POLR3E: variants seen among roughly 807,000 people sequenced by gnomAD.
POLR3E encodes the protein RNA polymerase III subunit E.
In POLR3E, 41 loss-of-function variants were observed where a neutral mutation model predicts 96.6. That is an observed-to-expected ratio of 0.42 (90% CI 0.33 to 0.55). The LOEUF (loss-of-function observed/expected upper bound fraction) is 0.55, where lower values mean the gene tolerates loss of function less well. POLR3E is among the 20% of genes least tolerant of loss of function. The probability of loss-of-function intolerance (pLI) is 0.06; values close to 1 mark genes in which losing one functional copy is unlikely to be tolerated. For synonymous variants in POLR3E, 396 were observed against 383.6 expected (o/e 1.03, Z -0.38); for missense variants, 849 against 952.1 (o/e 0.89, Z 1.43).
intron 6 of POLR3E, among the ~76,000 whole-genome samples, chr16:22,311,159 G>C (rs963809225): frequency 7.2e-5 from 11 of 151,758 alleles, no homozygotes; most frequent in Non-Finnish European, 1.3e-4. Context: ...GTAGAGACAG[G>C]GTTTTTGCCA....
At position 22,313,492 on chromosome 16, in the gene POLR3E, T is replaced by C. The variant is rs578178952; in HGVS notation, c.365-128T>C. On this transcript the variant is annotated intron_variant, in intron 6 of 20. Coordinates refer to ENST00000299853, the MANE Select transcript of POLR3E (RefSeq NM_018119.4). This position sits in a 1 kb window ranked among gnomAD's most constrained non-coding sequence, Gnocchi z 4.1. ...GCCTGGTGGTCCCAAGACTCTAGGA[T>C]TGGGGGCTGCAGCGGGAATGGGAGG... The C allele has an allele frequency of 2.9e-5, 18 of 625,876 alleles. No individual in the cohort carries two copies. The highest frequency in any genetic ancestry group is 1.3e-4 in the African/African-American group (7 of 54,552). 38.8% of individuals were successfully genotyped at this position (625,876 alleles called of 1,614,324 possible).
rs369469607 is a variant in POLR3E, at chr16:22,332,873, CTTGTT to C, written c.2070+692_2070+696del. The stretch of plus-strand genomic sequence containing the variant: ...AGAGACAGAAAACTGATGACAATGT[CTTGTT>C]TTGATTAAACATCCAGAGCCATATA... On this transcript the variant is annotated intron_variant, in intron 20 of 20. Transcript: ENST00000299853. Among the ~76,000 whole-genome samples, 15 of 149,520 alleles carry C rather than the reference CTTGTT, an allele frequency of 1.0e-4. No individual in the cohort carries two copies. The East Asian group carries it at 1.4e-3, about 14-fold the overall frequency.
chr16:22,309,376 C>A (rs1286307097), intron 5 of POLR3E, 52 bp from the exon 6 acceptor site: 1 of 1,340,772 alleles, frequency 7.5e-7, no homozygotes, highest in Admixed American at 1.7e-5. Context: ...TGGCCACAGG[C>A]CCTGGCTCGG....
At chr16:22,309,881 G>A (rs928321992) in intron 6 of POLR3E, 6 of 250,040 alleles carry the variant, frequency 2.4e-5, no homozygotes, top group African/African-American at 1.3e-4. Flanking sequence ...ATGAAAACAT[G>A]TGTCCACACA....
At chr16:22,314,006 C>A in intron 7 of POLR3E, 73 bp from the exon 8 acceptor site, 1 of 1,359,798 alleles carries the variant, frequency 7.4e-7, no homozygotes. Flanking sequence ...TGAGGCTTCC[C>A]TGGCGGGTGG....
Position 22,325,867 on chromosome 16 carries a change from G to T in POLR3E, c.1455G>T (p.Gln485His). 5 of 1,611,722 alleles carry T rather than the reference G, an allele frequency of 3.1e-6. No individual in the cohort carries two copies. The highest frequency in any genetic ancestry group is 4.2e-6 in the Non-Finnish European group (5 of 1,179,242). Residue 485 changes from glutamine to histidine, a missense_variant, in exon 18 of 21, where the codon CAG (glutamine) becomes CAT (histidine). Transcript: ENST00000299853. ...LERELQRRKE[Q>H]LRVPAVPPGV... ...GGGAGCTGCAGCGGCGGAAGGAGCA[G>T]CTGCGGGTGCCTGCGGTCCCGCCCG...
chr16:22,303,639 C>CTTTTTTTTTTTTTTTTTTTTTTT lies in POLR3E; in HGVS notation c.36+653_36+654insTTTTTTTTTTTTTTTTTTTTTTT, dbSNP rs58949663. On this transcript the variant is annotated intron_variant, in intron 2 of 20. Coordinates refer to ENST00000299853, the MANE Select transcript of POLR3E (RefSeq NM_018119.4). ...TACAGGCAGTGGGAGGCAGATTTCC[C>CTTTTTTTTTTTTTTTTTTTTTTT]TTTTTTTTTTTTTTTTTTGGAGACA... 9.0e-4 allele frequency among the ~76,000 whole-genome samples: 103 copies of CTTTTTTTTTTTTTTTTTTTTTTT among 114,216 alleles called. 10 individuals are homozygous for CTTTTTTTTTTTTTTTTTTTTTTT. The highest frequency in any genetic ancestry group is 4.6e-3 in the African/African-American group (95 of 20,790). 74.9% of individuals were successfully genotyped at this position (114,216 alleles called of 152,430 possible). A position where few individuals can be genotyped will look rare whatever the true frequency, so the allele number is the denominator to read the frequency against.
At chr16:22,331,936 C>T in intron 19 of POLR3E, 124 bp from the exon 20 acceptor site, 4 of 890,318 alleles carry the variant, frequency 4.5e-6, no homozygotes, top group Non-Finnish European at 5.3e-6. Flanking sequence ...ACCAGAGGTG[C>T]TGCGTGAGGG....
At chr16:22,299,373 A>G (rs1021557646) in intron 1 of POLR3E, among the ~76,000 whole-genome samples, 1 of 150,298 alleles carries the variant, frequency 6.7e-6, no homozygotes, top group Admixed American at 6.6e-5. Flanking sequence ...TGACAGTGGC[A>G]GTTGACAGGT....
chr16:22,311,301 G>A (rs2048241391), intron 6 of POLR3E, among the ~76,000 whole-genome samples: 1 of 120,582 alleles, frequency 8.3e-6, no homozygotes, highest in African/African-American at 3.4e-5. Flanking sequence ...AATAAATTTA[G>A]TGTAGCCTAA....
At chr16:22,319,035 C>A in intron 13 of POLR3E, 89 bp downstream of exon 13, 1 of 960,934 alleles carries the variant, frequency 1.0e-6, no homozygotes, top group Non-Finnish European at 1.5e-6. Context: ...TGTGTAGTGG[C>A]GCAATCTCGG....
chr16:22,308,966 T>C lies in POLR3E; in HGVS notation c.207T>C (p.Tyr69=). ...EMAIDTLNPN[Y]CRSKGEQIAL... is the part of the protein sequence containing the mutation. Reference sequence around the variant, plus strand: ...CCATCGACACCCTGAACCCCAACTATTGCCGCAGCAAAGGGGAGCAGATTG... The same window carrying C: ...CCATCGACACCCTGAACCCCAACTACTGCCGCAGCAAAGGGGAGCAGATTG... Residue 69 remains tyrosine (Y), a synonymous_variant, in exon 5 of 21, where the codon TAT becomes TAC. Transcript: ENST00000299853. 2.5e-6 allele frequency: 4 copies of C among 1,614,080 alleles called. 1 individual carries two copies. The highest frequency in any genetic ancestry group is 2.2e-5 in the South Asian group (2 of 91,086).
In POLR3E at chr16:22,313,073, A is replaced by G. The variant is rs1323000662; in HGVS notation, c.365-547A>G. On this transcript the variant is annotated intron_variant, in intron 6 of 20. Transcript: ENST00000299853. The surrounding 1 kb of genome is among the most constrained non-coding windows in gnomAD (Gnocchi z 4.1). ...CCACATCCCTTGCAGCGGGAGGGAA[A>G]GTCATGATCTTTATCAGAGGCCATG... Among the ~76,000 whole-genome samples the G allele has an allele frequency of 6.6e-6, 1 of 151,596 alleles. No homozygotes were observed. The highest frequency in any genetic ancestry group is 1.5e-5 in the Non-Finnish European group (1 of 68,022).
At chr16:22,330,508 C>G (rs1026240333) in intron 19 of POLR3E, among the ~76,000 whole-genome samples, 1 of 152,196 alleles carries the variant, frequency 6.6e-6, no homozygotes, top group Non-Finnish European at 1.5e-5. Flanking sequence ...TCACTGCTTC[C>G]TGTTTTCACT....
Position 22,325,900 on chromosome 16 carries a change from G to C in POLR3E, c.1488G>C (p.Arg496=). 6.2e-7 allele frequency: 1 copy of C among 1,607,098 alleles called. No homozygotes were observed. The highest frequency in any genetic ancestry group is 8.5e-7 in the Non-Finnish European group (1 of 1,176,800). Residue 496 remains arginine, a synonymous_variant, in exon 18 of 21, where the codon CGG becomes CGC. Transcript: ENST00000299853. ...TGCCTGCGGTCCCGCCCGGTGTGCG[G>C]ATCAAGGAGGAGCCCGTGAGCGAGG... ...LRVPAVPPGV[R]IKEEPVSEEG... is the part of the protein sequence containing the mutation.
intron 14 of POLR3E, 27 bp from the exon 15 acceptor site, chr16:22,324,327 T>C (rs755142948): frequency 6.2e-7 from 1 of 1,605,734 alleles, no homozygotes; most frequent in African/African-American, 1.3e-5. Flanking sequence ...TGGCCGCCCC[T>C]GGAATGTGCT....
At chr16:22,305,305 G>C in intron 3 of POLR3E, 99 bp downstream of exon 3, 1 of 879,908 alleles carries the variant, frequency 1.1e-6, no homozygotes, top group Non-Finnish European at 1.9e-6. Flanking sequence ...ACCTCAGCTA[G>C]GGTTCTCGGT....
At position 22,313,600 on chromosome 16, in the gene POLR3E, A is replaced by C; in HGVS notation, c.365-20A>C. On this transcript the variant is annotated intron_variant, in intron 6 of 20. Coordinates refer to ENST00000299853, the MANE Select transcript of POLR3E (RefSeq NM_018119.4). The surrounding 1 kb of genome is among the most constrained non-coding windows in gnomAD (Gnocchi z 4.1). ...GGGTGGGTTTCTAGAGTTGAGTCCA[A>C]GCCCTTCTTCCTCCGCCAGGTGAGC... 2 of 1,572,628 alleles carry C rather than the reference A, an allele frequency of 1.3e-6. No individual in the cohort carries two copies. The highest frequency in any genetic ancestry group is 1.8e-6 in the Non-Finnish European group (2 of 1,142,602).
chr16:22,317,177 C>A lies in POLR3E; in HGVS notation c.836C>A (p.Ala279Asp), dbSNP rs772010876. The A allele has an allele frequency of 5.6e-6, 9 of 1,613,442 alleles. No individual in the cohort carries two copies. The highest frequency in any genetic ancestry group is 1.7e-5 in the Admixed American group (1 of 60,020). ...GCCCAGCTGCGCACGCTGCCCCTGG[C>A]CGATCAGATCAAGATCCTGATGAAG... is the stretch of plus-strand genomic sequence containing the variant. ...SMAQLRTLPL[A>D]DQIKILMKNV... is the part of the protein sequence containing the mutation. The change falls in exon 12 of 21, where the codon GCC becomes GAC. Residue 279 changes from alanine (A) to aspartate (D), a missense_variant. Physicochemically the swap from Ala to Asp is moderately radical, Grantham distance 126. Transcript: ENST00000299853.
Sources: gnomAD v4.1 joint callset for allele counts (sites outside exome capture counted in the v4.1 genomes callset) on GRCh38, gnomAD v4.1.1 for gene constraint, Gnocchi (gnomAD v3.1) non-coding constraint, MANE v1.5 for transcripts, NCBI Gene and HGNC (gene_info 2026-07-23, HGNC 2026-07-21) for gene names.